INSC: variants seen among roughly 807,000 people sequenced by gnomAD.
The protein encoded by INSC is protein inscuteable homolog.
INSC carries 67 observed loss-of-function variants against 58.6 expected under a neutral mutation model. That is an observed-to-expected ratio of 1.14 (90% confidence interval 0.94 to 1.40). The LOEUF (loss-of-function observed/expected upper bound fraction) is 1.40. INSC is among the 40% of genes most tolerant of loss of function. The probability of loss-of-function intolerance (pLI) is 0.00; values close to 1 mark genes in which losing one functional copy is unlikely to be tolerated. For missense variants in INSC, 714 were observed against 692.0 expected, an observed-to-expected ratio of 1.03 and a Z score of -0.36; for synonymous variants, 262 against 276.1, an observed-to-expected ratio of 0.95 and a Z score of 0.51.
In INSC at chr11:15,192,196, C is replaced by G. The variant is rs1195961244; in HGVS notation, c.693+1382C>G. Among the ~76,000 whole-genome samples the G allele has an allele frequency of 7.2e-5, 11 of 152,246 alleles. No individual in the cohort carries two copies. In the East Asian group the frequency reaches 2.1e-3, roughly 29 times the overall value. ...AGAGACAGCCTCCCTCCCTCTGGCT[C>G]CCTCTGTTGATTGGGTCCTACATTC... On this transcript the variant is annotated intron_variant, in intron 6 of 12. Coordinates refer to ENST00000379556, the MANE Select transcript of INSC (RefSeq NM_001042536.3).
upstream of INSC, among the ~76,000 whole-genome samples, chr11:15,113,520 A>G (rs774222220): frequency 1.3e-5 from 2 of 152,116 alleles, no homozygotes; most frequent in African/African-American, 2.4e-5. Flanking sequence ...AGATTCTGCA[A>G]ACAGTCTGTA....
intron 2 of INSC, among the ~76,000 whole-genome samples, chr11:15,175,345 A>G (rs536199678): frequency 6.6e-6 from 1 of 152,328 alleles, no homozygotes; most frequent in South Asian, 2.1e-4. Context: ...ACTTAGTGTA[A>G]CCATTATTTG....
intron 12 of INSC, among the ~76,000 whole-genome samples, chr11:15,243,702 G>A (rs1852447544): frequency 6.6e-6 from 1 of 151,862 alleles, no homozygotes; most frequent in Admixed American, 6.6e-5. Context: ...CTCTTTCTAG[G>A]GTTTGCCTTC....
intron 2 of INSC, among the ~76,000 whole-genome samples, chr11:15,155,342 C>T (rs897687035): frequency 6.6e-6 from 1 of 152,214 alleles, no homozygotes; most frequent in African/African-American, 2.4e-5. Context: ...CTGAGATATT[C>T]TGGCTTGGGT....
chr11:15,249,203 A>G (rs1167292987), downstream of INSC, among the ~76,000 whole-genome samples: 1 of 152,182 alleles, frequency 6.6e-6, no homozygotes, highest in Non-Finnish European at 1.5e-5. Flanking sequence ...CAGGGCAGAG[A>G]AGAGTAGAGA....
chr11:15,159,034 CT>C (rs1848921925), intron 2 of INSC, among the ~76,000 whole-genome samples: 1 of 152,148 alleles, frequency 6.6e-6, no homozygotes, highest in African/African-American at 2.4e-5. Context: ...TGTGCACTGG[CT>C]GTAGGACTTG....
intron 5 of INSC, 41 bp from the exon 6 acceptor site, chr11:15,190,660 G>A: frequency 2.2e-6 from 3 of 1,340,870 alleles, no homozygotes; most frequent in Non-Finnish European, 3.2e-6. Context: ...GAGGGTAGAG[G>A]TGGTGAGTAA....
intron 2 of INSC, among the ~76,000 whole-genome samples, chr11:15,163,237 A>G (rs1247931267): frequency 1.3e-5 from 2 of 152,306 alleles, no homozygotes; most frequent in African/African-American, 4.8e-5. Flanking sequence ...GAATCTGATG[A>G]TAGTGGAATT....
At chr11:15,228,529 A>T (rs1851727375) in intron 9 of INSC, among the ~76,000 whole-genome samples, 1 of 152,232 alleles carries the variant, frequency 6.6e-6, no homozygotes, top group African/African-American at 2.4e-5. Flanking sequence ...CCCATTAAAG[A>T]AACAAATGGC....
At chr11:15,119,656 G>A (rs955367813) in intron 1 of INSC, among the ~76,000 whole-genome samples, 15 of 152,236 alleles carry the variant, frequency 9.9e-5, no homozygotes, top group Non-Finnish European at 1.8e-4. Context: ...TGGTTGGAGG[G>A]TGTAAGCTAC....
intron 1 of INSC, among the ~76,000 whole-genome samples, chr11:15,140,785 A>G (rs1192630503): frequency 6.6e-6 from 1 of 151,674 alleles, no homozygotes; most frequent in African/African-American, 2.4e-5. Context: ...GGGTCTTGCT[A>G]TGTAGCCCAG....
chr11:15,215,156 C>T (rs970135256), intron 7 of INSC, among the ~76,000 whole-genome samples: 1 of 152,236 alleles, frequency 6.6e-6, no homozygotes, highest in Non-Finnish European at 1.5e-5. Context: ...AGGCCATCCT[C>T]ATCACCACTT....
chr11:15,163,167 A>C (rs1849075963), intron 2 of INSC, among the ~76,000 whole-genome samples: 1 of 152,154 alleles, frequency 6.6e-6, no homozygotes, highest in Non-Finnish European at 1.5e-5. Context: ...CTCACACTTT[A>C]TTTCCTTGAG....
intron 1 of INSC, among the ~76,000 whole-genome samples, chr11:15,135,602 G>A (rs1315873704): frequency 2.0e-5 from 3 of 152,178 alleles, no homozygotes; most frequent in Admixed American, 2.0e-4. Flanking sequence ...GGTTCAGTCT[G>A]GATTCTCCTT....
At position 15,175,724 on chromosome 11, in the gene INSC, C is replaced by T; in HGVS notation, c.57-17C>T. The T allele has an allele frequency of 6.6e-7, 1 of 1,518,978 alleles. No individual in the cohort carries two copies. The highest frequency in any genetic ancestry group is 8.9e-7 in the Non-Finnish European group (1 of 1,125,668). 94.1% of individuals were successfully genotyped at this position (1,518,978 alleles called of 1,614,324 possible). A position where few individuals can be genotyped will look rare whatever the true frequency, so the allele number is the denominator to read the frequency against. ...TGGGGTGTTGATAATTATCGTGGTG[C>T]TGTTTCCTGGTTGCAGGCTACACCT... On this transcript the variant is annotated splice_polypyrimidine_tract_variant and intron_variant, in intron 2 of 12. Coordinates refer to ENST00000379556, the MANE Select transcript of INSC (RefSeq NM_001042536.3).
chr11:15,119,187 T>A, intron 1 of INSC, among the ~76,000 whole-genome samples: 1 of 152,222 alleles, frequency 6.6e-6, no homozygotes, highest in Non-Finnish European at 1.5e-5. Flanking sequence ...GTGATCAGCA[T>A]CATTGGCCTT....
In INSC at chr11:15,221,622, T is replaced by G. The variant is rs748632019; in HGVS notation, c.965T>G (p.Met322Arg). 6.2e-7 allele frequency: 1 copy of G among 1,613,236 alleles called. No homozygotes were observed. The highest frequency in any genetic ancestry group is 1.7e-5 in the Admixed American group (1 of 59,924). The change falls in exon 8 of 13, where the codon ATG (methionine) becomes AGG (arginine). Residue 322 changes from methionine to arginine, a missense_variant. Transcript: ENST00000379556. ...CACCTCAGTAGCTTCCTGGAGAGCA[T>G]GGAGGAGATCGTGACAGCCCTCGTC... is the stretch of plus-strand genomic sequence containing the variant. ...TQHLSSFLES[M>R]EEIVTALVKL... is the part of the protein sequence containing the mutation.
chr11:15,180,306 T>C (rs556997059), intron 5 of INSC, among the ~76,000 whole-genome samples: 2 of 151,524 alleles, frequency 1.3e-5, no homozygotes, highest in South Asian at 4.2e-4. Flanking sequence ...CAAAAAGGGC[T>C]GAAAAAGAGG....
the INSC span, among the ~76,000 whole-genome samples, chr11:15,266,069 A>G: frequency 6.6e-6 from 1 of 151,906 alleles, no homozygotes; most frequent in Non-Finnish European, 1.5e-5. Flanking sequence ...ATTTCCAGGA[A>G]TAGGGGATGA....
Sources: gnomAD v4.1 joint callset for allele counts (sites outside exome capture counted in the v4.1 genomes callset) on GRCh38, gnomAD v4.1.1 for gene constraint, MANE v1.5 for transcripts, NCBI Gene and HGNC (gene_info 2026-07-23, HGNC 2026-07-21) for gene names.